Variants in TBXAS1 observed in about 807,000 individuals in gnomAD.
TBXAS1 encodes the protein thromboxane-A synthase.
TBXAS1 carries 48 observed loss-of-function variants against 60.7 expected under a neutral mutation model. The ratio of observed to expected loss-of-function variants is 0.79; its 90% confidence interval spans 0.63 to 1.01. The LOEUF (loss-of-function observed/expected upper bound fraction) is 1.01, where lower values mean the gene tolerates loss of function less well. TBXAS1 is among the 50% of genes least tolerant of loss of function. TBXAS1 has a pLI of 0.00. For missense variants in TBXAS1, 685 were observed against 686.3 expected, an observed-to-expected ratio of 1.00 and a Z score of 0.02; for synonymous variants, 287 against 269.7, an observed-to-expected ratio of 1.06 and a Z score of -0.63.
At chr7:139,787,355 G>T (rs1038153449) in exon 4 of TBXAS1, 3 of 152,176 alleles carry the variant, frequency 2.0e-5, no homozygotes, top group Non-Finnish European at 4.4e-5. Context: ...ATACTGCCTG[G>T]ACTGCCTGGC....
intron 10 of TBXAS1, among the ~76,000 whole-genome samples, chr7:140,014,915 AAAG>A (rs1394377757): frequency 7.3e-5 from 11 of 151,374 alleles, no homozygotes; most frequent in East Asian, 5.8e-4. Flanking sequence ...TCTCAAAAAA[AAAG>A]AAGAAGAAGA....
rs1815199595 is a variant in TBXAS1, at chr7:140,017,742, G to A, written c.1436G>A (p.Cys479Tyr). Residue 479 changes from cysteine to tyrosine, a missense_variant, in exon 12 of 13, where the codon TGC (cysteine) becomes TAC (tyrosine). Coordinates refer to ENST00000448866, the MANE Select transcript of TBXAS1 (RefSeq NM_001061.7). ...YLPFGAGPRS[C>Y]LGVRLGLLEV... ...CCCTTCGGGGCCGGCCCACGGAGCT[G>A]CCTCGGGGTGCGTCTAGGGCTGCTT... The A allele has an allele frequency of 6.2e-7, 1 of 1,613,960 alleles. No individual in the cohort carries two copies. Among genetic ancestry groups the A allele is most frequent in the African/African-American group, 1.3e-5 (1 of 74,936 alleles).
At chr7:139,923,061 A>G (rs1806599434) in intron 4 of TBXAS1, among the ~76,000 whole-genome samples, 1 of 152,190 alleles carries the variant, frequency 6.6e-6, no homozygotes, top group Admixed American at 6.5e-5. Flanking sequence ...ACGGTGGCTA[A>G]CGCCTATAAT....
At chr7:139,872,592 T>C (rs1383551608) in intron 2 of TBXAS1, among the ~76,000 whole-genome samples, 1 of 152,136 alleles carries the variant, frequency 6.6e-6, no homozygotes, top group East Asian at 1.9e-4. Flanking sequence ...AGGTGGAGGT[T>C]GCACTGAGCC....
chr7:139,909,271 C>T (rs1805333808), intron 3 of TBXAS1, among the ~76,000 whole-genome samples: 1 of 152,092 alleles, frequency 6.6e-6, no homozygotes, highest in Non-Finnish European at 1.5e-5. Flanking sequence ...GACTTTTAAG[C>T]ACATTGTATA....
intron 9 of TBXAS1, among the ~76,000 whole-genome samples, chr7:139,996,530 C>T (rs1234956952): frequency 2.0e-5 from 3 of 152,214 alleles, no homozygotes; most frequent in Non-Finnish European, 4.4e-5. Context: ...CAAAATCCTG[C>T]AAAAGCTGAT....
upstream of TBXAS1, among the ~76,000 whole-genome samples, chr7:139,827,610 G>A (rs146381242): frequency 0.021 from 3,237 of 152,256 alleles, 50 homozygotes; most frequent in Middle Eastern, 0.065. Flanking sequence ...GTTCTGTTTT[G>A]ATGTGTTTCC....
chr7:139,993,706 T>C (rs1327419553), intron 9 of TBXAS1, among the ~76,000 whole-genome samples: 4 of 152,180 alleles, frequency 2.6e-5, no homozygotes, highest in Admixed American at 1.3e-4. Flanking sequence ...CAATGCAATG[T>C]AGCAGTGAGC....
chr7:139,995,101 G>A (rs534468415), intron 9 of TBXAS1, among the ~76,000 whole-genome samples: 1 of 152,272 alleles, frequency 6.6e-6, no homozygotes, highest in East Asian at 1.9e-4. Flanking sequence ...AGACTCCTGG[G>A]CTTTACAAAC....
intron 4 of TBXAS1, among the ~76,000 whole-genome samples, chr7:139,793,952 G>A (rs747781129): frequency 1.1e-4 from 17 of 152,246 alleles, no homozygotes; most frequent in Non-Finnish European, 1.9e-4. Flanking sequence ...CCCTTTTATA[G>A]GGGATTTCTT....
intron 4 of TBXAS1, among the ~76,000 whole-genome samples, chr7:139,926,196 C>CT (rs1464282912): frequency 6.6e-6 from 1 of 152,050 alleles, no homozygotes; most frequent in Non-Finnish European, 1.5e-5. Flanking sequence ...CTTCTCCTCT[C>CT]TTTTTTGGAA....
rs1315865147 is a variant in TBXAS1, at chr7:139,905,003, C to CTTTTTT, written c.237-6221_237-6220insTTTTTT. Reference sequence around the variant, plus strand: ...TTTCTCTTTCTCTCTTTCTCTCTTTCTCTCTTTCTTTCTTTCTTTCTTTCT... The same window carrying CTTTTTT: ...TTTCTCTTTCTCTCTTTCTCTCTTTCTTTTTTTCTCTTTCTTTCTTTCTTTCTTTCT... On this transcript the variant is annotated intron_variant, in intron 3 of 12. Transcript: ENST00000448866. Among the ~76,000 whole-genome samples, 97 of 88,164 alleles carry CTTTTTT rather than the reference C, an allele frequency of 1.1e-3. 1 individual carries two copies. The highest frequency in any genetic ancestry group is 4.9e-3 in the African/African-American group (92 of 18,752). The allele number at this position is 88,164 out of a possible 152,430, so 57.8% of individuals were successfully genotyped here. A position where few individuals can be genotyped will look rare whatever the true frequency, so the allele number is the denominator to read the frequency against.
chr7:139,813,464 C>G (rs989565603), intron 4 of TBXAS1, among the ~76,000 whole-genome samples: 1 of 152,220 alleles, frequency 6.6e-6, no homozygotes, highest in African/African-American at 2.4e-5. Context: ...GGACGACTTC[C>G]TGACAAATGT....
chr7:139,890,059 C>A (rs1205285481), intron 3 of TBXAS1, among the ~76,000 whole-genome samples: 1 of 152,110 alleles, frequency 6.6e-6, no homozygotes, highest in African/African-American at 2.4e-5. Context: ...CGCAGTGTGT[C>A]CTTGAGACCA....
intron 3 of TBXAS1, among the ~76,000 whole-genome samples, chr7:139,881,746 A>G (rs1208877427): frequency 6.6e-6 from 1 of 152,192 alleles, no homozygotes; most frequent in Non-Finnish European, 1.5e-5. Context: ...AAAAAAAATC[A>G]ATTTAGCAAA....
chr7:139,988,667 T>C (rs1458606579), intron 9 of TBXAS1, among the ~76,000 whole-genome samples: 1 of 152,074 alleles, frequency 6.6e-6, no homozygotes, highest in East Asian at 1.9e-4. Context: ...AAAGCCTCCT[T>C]TGACCATCAG....
intron 1 of TBXAS1, among the ~76,000 whole-genome samples, chr7:139,844,420 T>G (rs940562368): frequency 3.3e-5 from 5 of 152,228 alleles, no homozygotes; most frequent in Non-Finnish European, 7.3e-5. Flanking sequence ...TGATTAATTT[T>G]CCCATTTTAA....
intron 3 of TBXAS1, among the ~76,000 whole-genome samples, chr7:139,888,611 G>T (rs1033265656): frequency 2.0e-5 from 3 of 152,158 alleles, no homozygotes; most frequent in Non-Finnish European, 4.4e-5. Flanking sequence ...TCTGCACTGA[G>T]TGTGTGCTCA....
chr7:139,976,732 T>C (rs1343696215), intron 9 of TBXAS1, among the ~76,000 whole-genome samples: 1 of 152,092 alleles, frequency 6.6e-6, no homozygotes, highest in African/African-American at 2.4e-5. Context: ...CTGGGCTTCT[T>C]AGAAGCCCCA....
Sources: gnomAD v4.1 joint callset for allele counts (sites outside exome capture counted in the v4.1 genomes callset) on GRCh38, gnomAD v4.1.1 for gene constraint, MANE v1.5 for transcripts, NCBI Gene and HGNC (gene_info 2026-07-23, HGNC 2026-07-21) for gene names.